GSR: variants seen among roughly 807,000 people sequenced by gnomAD.
The protein encoded by GSR is glutathione-disulfide reductase.
GSR carries 48 observed loss-of-function variants against 56.5 expected under a neutral mutation model. That is an observed-to-expected ratio of 0.85 (90% CI 0.67 to 1.08). GSR has a LOEUF of 1.08. Among genes scored for constraint, GSR ranks in the 50% least tolerant of loss-of-function variants. The probability of loss-of-function intolerance (pLI) is 0.00; values close to 1 mark genes in which losing one functional copy is unlikely to be tolerated. For missense variants in GSR, 694 were observed against 703.3 expected (o/e 0.99, Z 0.15); for synonymous variants, 264 against 270.8 (o/e 0.97, Z 0.25).
chr8:30,720,541 A>G (rs1449155246), intron 1 of GSR, among the ~76,000 whole-genome samples: 1 of 152,172 alleles, frequency 6.6e-6, no homozygotes, highest in Non-Finnish European at 1.5e-5. Flanking sequence ...GACTAAATAT[A>G]ATGCTGTCTG....
intron 1 of GSR, among the ~76,000 whole-genome samples, chr8:30,723,841 A>T (rs144807832): frequency 7.2e-5 from 11 of 151,986 alleles, no homozygotes; most frequent in African/African-American, 2.7e-4. Flanking sequence ...GGGACCTAGT[A>T]CAGGAGACTG....
intron 5 of GSR, among the ~76,000 whole-genome samples, chr8:30,702,806 G>C (rs920643151): frequency 6.6e-6 from 1 of 152,084 alleles, no homozygotes; most frequent in African/African-American, 2.4e-5. Context: ...GTGTGGTGGT[G>C]GCATGCCTGT....
intron 1 of GSR, among the ~76,000 whole-genome samples, chr8:30,719,234 G>A (rs898339148): frequency 2.0e-5 from 3 of 151,016 alleles, no homozygotes; most frequent in Non-Finnish European, 4.4e-5. Flanking sequence ...AGCCTCCCGA[G>A]TAGCTGGGAC....
chr8:30,722,665 A>G (rs1186205596), intron 1 of GSR, among the ~76,000 whole-genome samples: 1 of 149,372 alleles, frequency 6.7e-6, no homozygotes, highest in East Asian at 2.0e-4. Flanking sequence ...TTGGGAGTTC[A>G]AGGTTGCAGT....
chr8:30,679,182 T>G lies in GSR; in HGVS notation c.*338A>C. On this transcript the variant is annotated 3_prime_UTR_variant, in exon 13 of 13. Transcript: ENST00000221130. ...AAAAAAAAAAAAGTAGCAAGTTCTA[T>G]TCATTCAAGTACATTAAGTTAATTG... is the stretch of plus-strand genomic sequence containing the variant. 8.1e-6 allele frequency: 2 copies of G among 247,692 alleles called. No individual in the cohort carries two copies. Among genetic ancestry groups the G allele is most frequent in the Non-Finnish European group, 1.6e-5 (2 of 128,310 alleles). The allele number at this position is 247,692 out of a possible 1,614,324, so 15.3% of individuals were successfully genotyped here.
chr8:30,697,820 C>G (rs947143818), intron 6 of GSR, among the ~76,000 whole-genome samples: 1 of 152,112 alleles, frequency 6.6e-6, no homozygotes, highest in Admixed American at 6.6e-5. Context: ...TCCCAAGTAG[C>G]CAAGACTACC....
chr8:30,692,031 A>G (rs1006869776), intron 8 of GSR, among the ~76,000 whole-genome samples: 1 of 151,424 alleles, frequency 6.6e-6, no homozygotes, highest in African/African-American at 2.4e-5. Context: ...TGAGCCCAGG[A>G]GGTTGAGGCT....
chr8:30,712,180 G>A (rs1370675936), intron 1 of GSR, 92 bp from the exon 2 acceptor site: 4 of 701,470 alleles, frequency 5.7e-6, no homozygotes, highest in Non-Finnish European at 5.2e-6. Flanking sequence ...CATCAAGCGA[G>A]GAGTCTTCCT....
At chr8:30,681,764 A>G (rs8191030) in intron 11 of GSR, among the ~76,000 whole-genome samples, 166 bp downstream of exon 11, 1,617 of 152,252 alleles carry the variant, frequency 0.011, 22 homozygotes, top group African/African-American at 0.034. Flanking sequence ...GTACACTCAA[A>G]GTAGTAGCAG....
intron 1 of GSR, among the ~76,000 whole-genome samples, chr8:30,717,018 A>C (rs999937653): frequency 6.6e-6 from 1 of 151,916 alleles, no homozygotes; most frequent in Non-Finnish European, 1.5e-5. Flanking sequence ...CGGGCAGATC[A>C]CCTGAGGTCG....
At position 30,693,014 on chromosome 8, in the gene GSR, C is replaced by G; in HGVS notation, c.837G>C (p.Thr279=). The G allele has an allele frequency of 6.2e-7, 1 of 1,612,944 alleles. No homozygotes were observed. Among genetic ancestry groups the G allele is most frequent in the Non-Finnish European group, 8.5e-7 (1 of 1,179,210 alleles). Residue 279 remains threonine (T), a synonymous_variant, in exon 8 of 13, where the codon ACG becomes ACC. Transcript: ENST00000221130. ...CCACGCCAGCGTTCTCCAGCTCCTC[C>G]GTGCAGTTGGTGCTGATCATTGAAT... ...SFDSMISTNC[T]EELENAGVEV...
intron 1 of GSR, 56 bp downstream of exon 1, chr8:30,727,474 C>A (rs905150388): frequency 3.4e-6 from 5 of 1,470,586 alleles, no homozygotes; most frequent in Non-Finnish European, 4.6e-6. Flanking sequence ...CAGGCTGTCC[C>A]CCGAAAGACC....
intron 8 of GSR, among the ~76,000 whole-genome samples, chr8:30,690,608 G>C (rs1349151230): frequency 1.3e-5 from 2 of 152,156 alleles, no homozygotes; most frequent in African/African-American, 4.8e-5. Context: ...AATTTTATTT[G>C]ATGTGGTCTA....
In GSR at chr8:30,693,017, G is replaced by A. The variant is rs1438522844; in HGVS notation, c.834C>T (p.Cys278=). The change falls in exon 8 of 13, where the codon TGC becomes TGT. Residue 278 remains cysteine (C), a synonymous_variant. Coordinates refer to ENST00000221130, the MANE Select transcript of GSR (RefSeq NM_000637.5). ...CGCCAGCGTTCTCCAGCTCCTCCGTGCAGTTGGTGCTGATCATTGAATCAA... is the reference window on the plus strand; with the variant it reads ...CGCCAGCGTTCTCCAGCTCCTCCGTACAGTTGGTGCTGATCATTGAATCAA... The part of the protein sequence containing the change: ...RSFDSMISTN[C]TEELENAGVE... The A allele has an allele frequency of 1.2e-6, 2 of 1,612,486 alleles. No homozygotes were observed. The highest frequency in any genetic ancestry group is 1.3e-5 in the African/African-American group (1 of 74,892).
At chr8:30,723,466 T>C (rs1291798575) in intron 1 of GSR, among the ~76,000 whole-genome samples, 1 of 151,998 alleles carries the variant, frequency 6.6e-6, no homozygotes, top group Non-Finnish European at 1.5e-5. Flanking sequence ...CCCTCCAGCC[T>C]GGGAAACAGA....
chr8:30,684,650 C>G (rs1803092694), intron 9 of GSR, among the ~76,000 whole-genome samples: 1 of 152,146 alleles, frequency 6.6e-6, no homozygotes, highest in Admixed American at 6.6e-5. Flanking sequence ...TCAGGTGTGC[C>G]ACTTGGAATC....
intron 1 of GSR, among the ~76,000 whole-genome samples, chr8:30,715,761 C>A (rs1026483234): frequency 1.3e-4 from 20 of 152,290 alleles, no homozygotes; most frequent in African/African-American, 4.3e-4. Flanking sequence ...CAAAAGCAAT[C>A]CAAGGGTGTC....
intron 1 of GSR, among the ~76,000 whole-genome samples, chr8:30,715,062 G>A (rs1397294289): frequency 1.3e-5 from 2 of 152,050 alleles, no homozygotes; most frequent in East Asian, 1.9e-4. Context: ...ATGATTGCTT[G>A]AGCCCAGGAG....
In GSR at chr8:30,727,826, G is replaced by A; in HGVS notation, c.10C>T (p.Leu4=). The change falls in exon 1 of 13, where the codon CTG becomes TTG. Residue 4 remains leucine (L), a synonymous_variant. Coordinates refer to ENST00000221130, the MANE Select transcript of GSR (RefSeq NM_000637.5). MAL[L]PRALSAGAGP... ...GCGCCGGCGCTCAGGGCTCGGGGCA[G>A]CAGGGCCATGCACGCGGAAGTGGCG... is the stretch of plus-strand genomic sequence containing the variant. 1.6e-6 allele frequency: 2 copies of A among 1,232,078 alleles called. No individual in the cohort carries two copies. Among genetic ancestry groups the A allele is most frequent in the Non-Finnish European group, 2.0e-6 (2 of 990,610 alleles). The allele number at this position is 1,232,078 out of a possible 1,614,324, so 76.3% of individuals were successfully genotyped here. A position where few individuals can be genotyped will look rare whatever the true frequency, so the allele number is the denominator to read the frequency against.
Sources: gnomAD v4.1 joint callset for allele counts (sites outside exome capture counted in the v4.1 genomes callset) on GRCh38, gnomAD v4.1.1 for gene constraint, MANE v1.5 for transcripts, NCBI Gene and HGNC (gene_info 2026-07-23, HGNC 2026-07-21) for gene names.